CRACD: variants seen among roughly 807,000 people sequenced by gnomAD.
CRACD encodes capping protein-inhibiting regulator of actin dynamics.
A neutral mutation model predicts 106.8 loss-of-function variants in CRACD; 56 were observed. The observed-to-expected ratio is 0.52, with a 90% CI of 0.42 to 0.66. The LOEUF (loss-of-function observed/expected upper bound fraction) is 0.66, where lower values mean the gene tolerates loss of function less well. Among genes scored for constraint, CRACD ranks in the 30% least tolerant of loss-of-function variants. CRACD has a pLI of 0.00. For synonymous variants in CRACD, 754 were observed against 670.8 expected, an observed-to-expected ratio of 1.12 and a Z score of -1.92; for missense variants, 1,730 against 1,623.2, an observed-to-expected ratio of 1.07 and a Z score of -1.13.
intron 2 of CRACD, among the ~76,000 whole-genome samples, chr4:56,214,320 T>G (rs1045151208): frequency 2.0e-5 from 3 of 151,956 alleles, no homozygotes; most frequent in Admixed American, 2.0e-4. Context: ...ATAGGCCGGG[T>G]GCGATGGCTT....
chr4:56,323,695 A>T (rs1746251447), intron 9 of CRACD, 128 bp downstream of exon 9: 1 of 878,578 alleles, frequency 1.1e-6, no homozygotes, highest in East Asian at 2.8e-5. Flanking sequence ...AGCAGTAAAT[A>T]AACTGACCAC....
chr4:56,167,451 C>T (rs1736196317), intron 1 of CRACD, among the ~76,000 whole-genome samples: 1 of 152,156 alleles, frequency 6.6e-6, no homozygotes, highest in African/African-American at 2.4e-5. Flanking sequence ...AACATATCAT[C>T]ATCTCAAATA....
intron 1 of CRACD, among the ~76,000 whole-genome samples, chr4:56,164,893 C>A (rs906374370): frequency 4.6e-5 from 7 of 152,158 alleles, no homozygotes; most frequent in Non-Finnish European, 8.8e-5. Flanking sequence ...AGGTTAAATT[C>A]TGAATGCAAT....
chr4:56,094,447 C>T (rs527372096), intron 1 of CRACD, among the ~76,000 whole-genome samples: 13 of 117,578 alleles, frequency 1.1e-4, no homozygotes, highest in East Asian at 2.6e-4. Flanking sequence ...TTTTTTGAGA[C>T]GGAGTCTCAC....
intron 2 of CRACD, among the ~76,000 whole-genome samples, chr4:56,249,541 T>C (rs1294040694): frequency 6.6e-6 from 1 of 152,132 alleles, no homozygotes; most frequent in Non-Finnish European, 1.5e-5. Flanking sequence ...TTCACTCTGA[T>C]GGTAGTTTCT....
intron 2 of CRACD, among the ~76,000 whole-genome samples, chr4:56,188,019 G>T (rs1737157664): frequency 1.3e-5 from 2 of 152,178 alleles, no homozygotes; most frequent in South Asian, 4.1e-4. Flanking sequence ...AAGGAACGAT[G>T]AAGAAGGCTA....
In CRACD at chr4:56,324,183, A is replaced by C. The variant is rs1746285259; in HGVS notation, c.3458A>C (p.Glu1153Ala). The C allele has an allele frequency of 3.7e-6, 6 of 1,614,204 alleles. No individual in the cohort carries two copies. The highest frequency in any genetic ancestry group is 5.1e-6 in the Non-Finnish European group (6 of 1,179,998). The stretch of plus-strand genomic sequence containing the variant: ...CACAAGTCCACTGCTCTGCCAGAAG[A>C]GAAGAGGCCCGAGACTGCAGTGTCC... ...SLHKSTALPE[E>A]KRPETAVSRL... is the part of the protein sequence containing the mutation. The change falls in exon 10 of 11, where the codon GAG becomes GCG. Residue 1153 changes from glutamate (E) to alanine (A), a missense_variant. Physicochemically the swap from Glu to Ala is moderately radical, Grantham distance 107. This residue lies in a region of CRACD where 89 missense variants were observed against 89.6 expected (regional missense o/e 0.99). Coordinates refer to ENST00000682029, the MANE Select transcript of CRACD (RefSeq NM_001393381.1).
At chr4:56,166,037 G>GT (rs916013154) in intron 1 of CRACD, among the ~76,000 whole-genome samples, 3 of 152,090 alleles carry the variant, frequency 2.0e-5, no homozygotes, top group Admixed American at 6.5e-5. Flanking sequence ...ATAAAAAAAT[G>GT]TTTTTTTGTA....
chr4:56,309,942 C>A (rs1158992186), intron 5 of CRACD, among the ~76,000 whole-genome samples: 5 of 151,480 alleles, frequency 3.3e-5, no homozygotes, highest in Non-Finnish European at 4.4e-5. Flanking sequence ...AGGCTTGAGC[C>A]CAGGAGTTCT....
intron 1 of CRACD, among the ~76,000 whole-genome samples, chr4:56,051,312 G>GTAGA (rs1229928012): frequency 6.6e-6 from 1 of 152,220 alleles, no homozygotes; most frequent in African/African-American, 2.4e-5. Flanking sequence ...CAACAACTGT[G>GTAGA]TAGAGGTTTT....
At chr4:56,059,080 A>G (rs976843077) in intron 1 of CRACD, among the ~76,000 whole-genome samples, 2 of 152,134 alleles carry the variant, frequency 1.3e-5, no homozygotes, top group African/African-American at 4.8e-5. Flanking sequence ...GCAAGACAGC[A>G]ATCTCTGAAT....
intron 1 of CRACD, among the ~76,000 whole-genome samples, chr4:56,132,403 T>C (rs1734854270): frequency 6.6e-6 from 1 of 152,202 alleles, no homozygotes; most frequent in Non-Finnish European, 1.5e-5. Flanking sequence ...TGCAGTGGTG[T>C]GATCACGGCT....
At chr4:56,115,832 G>T (rs1054639555) in intron 1 of CRACD, among the ~76,000 whole-genome samples, 1 of 152,180 alleles carries the variant, frequency 6.6e-6, no homozygotes, top group African/African-American at 2.4e-5. Flanking sequence ...TAGCTAGAAC[G>T]ACCAGTGTTA....
chr4:56,319,267 A>G (rs1384157045), intron 8 of CRACD, among the ~76,000 whole-genome samples: 1 of 152,120 alleles, frequency 6.6e-6, no homozygotes, highest in African/African-American at 2.4e-5. Flanking sequence ...CTTTGAATAT[A>G]TGGGCTATGG....
intron 10 of CRACD, 85 bp from the exon 11 acceptor site, chr4:56,327,559 A>T (rs1032646376): frequency 7.7e-6 from 9 of 1,164,050 alleles, no homozygotes; most frequent in South Asian, 1.4e-5. Context: ...TGATAAATAC[A>T]TAGTTTATCA....
chr4:56,072,752 C>G (rs1286112135), intron 1 of CRACD, among the ~76,000 whole-genome samples: 2 of 152,138 alleles, frequency 1.3e-5, no homozygotes, highest in East Asian at 1.9e-4. Context: ...CTCTTCCTCC[C>G]CTTGTTTCCC....
chr4:56,284,899 G>A (rs542251892), intron 3 of CRACD, among the ~76,000 whole-genome samples: 1 of 152,284 alleles, frequency 6.6e-6, no homozygotes, highest in Admixed American at 6.5e-5. Flanking sequence ...AGGTTTGTGG[G>A]GCTGATAAGG....
chr4:56,063,324 C>T (rs1732346304), intron 1 of CRACD, among the ~76,000 whole-genome samples: 1 of 152,048 alleles, frequency 6.6e-6, no homozygotes, highest in South Asian at 2.1e-4. Flanking sequence ...GCTCAAGTAG[C>T]TGGGATCATA....
chr4:56,317,535 C>T (rs1413622102), intron 8 of CRACD, among the ~76,000 whole-genome samples: 1 of 152,150 alleles, frequency 6.6e-6, no homozygotes, highest in African/African-American at 2.4e-5. Flanking sequence ...CTGAAGATGT[C>T]ATTAACCATT....
Sources: gnomAD v4.1 joint callset for allele counts (sites outside exome capture counted in the v4.1 genomes callset) on GRCh38, gnomAD v4.1.1 for gene constraint, gnomAD v4.1.1 regional missense constraint, MANE v1.5 for transcripts, NCBI Gene and HGNC (gene_info 2026-07-23, HGNC 2026-07-21) for gene names.